Variants in AGBL4 observed in about 807,000 individuals in gnomAD.
AGBL4 encodes the protein AGBL carboxypeptidase 4, also known as cytosolic carboxypeptidase 6.
Under a neutral mutation model 66.4 loss-of-function variants are expected in AGBL4, and 58 were observed. The ratio of observed to expected loss-of-function variants is 0.87; its 90% CI spans 0.71 to 1.09. AGBL4 has a LOEUF of 1.09. Among genes scored for constraint, AGBL4 ranks in the 50% least tolerant of loss-of-function variants. The pLI is 0.00. For missense variants in AGBL4, 579 were observed against 631.0 expected (o/e 0.92, Z 0.88); for synonymous variants, 234 against 222.9 (o/e 1.05, Z -0.44).
chr1:49,047,183 T>A (rs1644100684), intron 4 of AGBL4, among the ~76,000 whole-genome samples: 1 of 152,198 alleles, frequency 6.6e-6, no homozygotes, highest in Non-Finnish European at 1.5e-5. Flanking sequence ...CATTGATGCC[T>A]GTACATACAT....
intron 4 of AGBL4, among the ~76,000 whole-genome samples, chr1:49,064,927 G>A (rs1644465877): frequency 6.6e-6 from 1 of 152,054 alleles, no homozygotes; most frequent in African/African-American, 2.4e-5. Flanking sequence ...CAATCTATAA[G>A]GTTACAATTC....
At chr1:49,936,943 A>G (rs541228241) in intron 1 of AGBL4, among the ~76,000 whole-genome samples, 1 of 152,340 alleles carries the variant, frequency 6.6e-6, no homozygotes, top group East Asian at 1.9e-4. Context: ...AACGAGCAAA[A>G]TAACCAGCTA....
intron 8 of AGBL4, among the ~76,000 whole-genome samples, chr1:48,650,806 A>G (rs575829925): frequency 6.6e-6 from 1 of 152,118 alleles, no homozygotes; most frequent in Non-Finnish European, 1.5e-5. Context: ...ACTGAGTACT[A>G]TTTCCCCTCT....
rs537527448 is a variant in AGBL4 at position 48,604,716 on chromosome 1, C to G, written c.952-13731G>C. On this transcript the variant is annotated intron_variant, in intron 9 of 13. Transcript: ENST00000371839. ...GGCGGGCTTTTCTGTAGCTATTGCT[C>G]TGCTATAGACATTCACTCCCTCCAA... Among the ~76,000 whole-genome samples, 31 of 152,244 alleles carry G rather than the reference C, an allele frequency of 2.0e-4. No homozygotes were observed. In the South Asian group the frequency reaches 6.2e-3, roughly 31 times the overall value.
At chr1:49,647,292 GA>G (rs1645908846) in intron 3 of AGBL4, among the ~76,000 whole-genome samples, 1 of 151,876 alleles carries the variant, frequency 6.6e-6, no homozygotes, top group Admixed American at 6.6e-5. Flanking sequence ...TAAATAAATT[GA>G]AAAAAACTAC....
At chr1:49,278,632 T>C (rs1353999242) in intron 3 of AGBL4, among the ~76,000 whole-genome samples, 1 of 151,956 alleles carries the variant, frequency 6.6e-6, no homozygotes. Context: ...TAGGTAGAGG[T>C]CTAGGTTCAG....
chr1:49,971,906 G>GGTTGTTTTTTTTTTTTTTTTT lies in AGBL4; in HGVS notation c.34+51856_34+51857insAAAAAAAAAAAAAAAAACAAC, dbSNP rs1457900823. Among the ~76,000 whole-genome samples, 4 of 43,442 alleles carry GGTTGTTTTTTTTTTTTTTTTT rather than the reference G, an allele frequency of 9.2e-5. 1 individual carries two copies. Among genetic ancestry groups the GGTTGTTTTTTTTTTTTTTTTT allele is most frequent in the African/African-American group, 7.3e-5 (1 of 13,678 alleles). 28.5% of individuals were successfully genotyped at this position (43,442 alleles called of 152,430 possible). On this transcript the variant is annotated intron_variant, in intron 1 of 13. Coordinates refer to ENST00000371839, the MANE Select transcript of AGBL4 (RefSeq NM_032785.4). The stretch of plus-strand genomic sequence containing the variant: ...TAAGTACAAGTGCAGGGTTTTTTTG[G>GGTTGTTTTTTTTTTTTTTTTT]GTTTTTTTTTTTTTTTTTTTTTTTT...
At chr1:49,611,757 G>A (rs1339505056) in intron 3 of AGBL4, among the ~76,000 whole-genome samples, 7 of 152,120 alleles carry the variant, frequency 4.6e-5, no homozygotes, top group Admixed American at 1.3e-4. Context: ...TATACTGAAG[G>A]TCAATGAATC....
intron 3 of AGBL4, among the ~76,000 whole-genome samples, chr1:49,425,719 C>G (rs950802981): frequency 6.6e-6 from 1 of 152,200 alleles, no homozygotes; most frequent in Non-Finnish European, 1.5e-5. Flanking sequence ...TATAGCCCCT[C>G]TCATCTCTGC....
chr1:48,639,957 G>A (rs772452633), intron 8 of AGBL4, among the ~76,000 whole-genome samples: 3 of 152,164 alleles, frequency 2.0e-5, no homozygotes, highest in Non-Finnish European at 4.4e-5. Flanking sequence ...CGCATAAGAT[G>A]GCCTCCAGAT....
At position 48,653,453 on chromosome 1, in the gene AGBL4, T is replaced by C. The variant is rs575132944; in HGVS notation, c.725-2A>G. 42 of 1,562,278 alleles carry C rather than the reference T, an allele frequency of 2.7e-5. 1 individual carries two copies. In the South Asian group the frequency reaches 4.8e-4, roughly 18 times the overall value. On this transcript the variant is annotated splice_acceptor_variant, in intron 7 of 13. Coordinates refer to ENST00000371839, the MANE Select transcript of AGBL4 (RefSeq NM_032785.4). LOFTEE classifies it high-confidence loss of function. ...GGCTTACAAGGAAGTCAATGATCCC[T>C]AGGGAAAGAGAAGAGCCCGGTTTAA...
At chr1:49,340,712 G>A (rs897792060) in intron 3 of AGBL4, among the ~76,000 whole-genome samples, 3 of 152,094 alleles carry the variant, frequency 2.0e-5, no homozygotes, top group South Asian at 4.1e-4. Context: ...ATATTGAAAC[G>A]GGGCTGGGTA....
chr1:49,566,174 G>A (rs1644199229), intron 3 of AGBL4, among the ~76,000 whole-genome samples: 1 of 152,072 alleles, frequency 6.6e-6, no homozygotes, highest in Non-Finnish European at 1.5e-5. Context: ...GGACTTCTCT[G>A]CATTGGTTAT....
At chr1:49,258,824 T>C (rs867633896) in intron 3 of AGBL4, among the ~76,000 whole-genome samples, 18 of 152,044 alleles carry the variant, frequency 1.2e-4, no homozygotes, top group South Asian at 8.3e-4. Flanking sequence ...AGATACTCCT[T>C]GAGAAGAGCA....
At chr1:48,589,126 C>T (rs1644874554) in intron 10 of AGBL4, among the ~76,000 whole-genome samples, 1 of 152,244 alleles carries the variant, frequency 6.6e-6, no homozygotes, top group South Asian at 2.1e-4. Context: ...GAGATTCTTA[C>T]AGAAAAAGGT....
intron 1 of AGBL4, among the ~76,000 whole-genome samples, chr1:50,009,422 G>A (rs7537735): frequency 0.054 from 8,099 of 151,166 alleles, 237 homozygotes; most frequent in African/African-American, 0.071. Flanking sequence ...CCATATAATC[G>A]TTTCAATTGA....
chr1:49,208,209 A>G (rs1648393496), intron 4 of AGBL4, among the ~76,000 whole-genome samples: 1 of 152,088 alleles, frequency 6.6e-6, no homozygotes, highest in Non-Finnish European at 1.5e-5. Flanking sequence ...ATCACTCAAG[A>G]AGGAAGTGGT....
intron 4 of AGBL4, among the ~76,000 whole-genome samples, chr1:49,075,231 A>G (rs980647265): frequency 3.3e-5 from 5 of 152,230 alleles, no homozygotes; most frequent in African/African-American, 1.2e-4. Flanking sequence ...TAAGTAAATA[A>G]AAGAGAAAAT....
Position 49,619,985 on chromosome 1 carries a change from G to A in AGBL4, c.282+77328C>T, listed in dbSNP as rs369958779. On this transcript the variant is annotated intron_variant, in intron 3 of 13. Transcript: ENST00000371839. ...AAAAATTAATTCAAGATGGGTTAGA[G>A]ACTTAAACCTAAGACCTAAAACCAT... 7.2e-5 allele frequency among the ~76,000 whole-genome samples: 11 copies of A among 152,132 alleles called. No homozygotes were observed. The East Asian group carries it at 2.1e-3, about 29-fold the overall frequency.
Sources: gnomAD v4.1 joint callset for allele counts (sites outside exome capture counted in the v4.1 genomes callset) on GRCh38, gnomAD v4.1.1 for gene constraint, MANE v1.5 for transcripts, NCBI Gene and HGNC (gene_info 2026-07-23, HGNC 2026-07-21) for gene names.